Variants in AGMO observed in about 807,000 individuals in gnomAD.
The protein encoded by AGMO is glyceryl-ether monooxygenase.
A neutral mutation model predicts 60.2 loss-of-function variants in AGMO; 75 were observed. The ratio of observed to expected loss-of-function variants is 1.25; its 90% CI spans 1.03 to 1.51. The LOEUF is 1.51. AGMO is among the 40% of genes most tolerant of loss of function. The pLI, the probability that AGMO is intolerant of heterozygous loss-of-function variation, is 0.00. For synonymous variants in AGMO, 261 were observed against 177.1 expected, an observed-to-expected ratio of 1.47 and a Z score of -3.76; for missense variants, 763 against 525.5, an observed-to-expected ratio of 1.45 and a Z score of -4.42.
At chr7:15,245,609 C>T (rs762923880) in intron 12 of AGMO, among the ~76,000 whole-genome samples, 6 of 151,902 alleles carry the variant, frequency 3.9e-5, no homozygotes, top group Non-Finnish European at 8.8e-5. Flanking sequence ...CATCAGAAAC[C>T]TGCAAATTGG....
the AGMO span, among the ~76,000 whole-genome samples, chr7:15,155,444 T>TGGA: frequency 7.0e-6 from 1 of 142,716 alleles, no homozygotes; most frequent in Non-Finnish European, 1.5e-5. Context: ...TTTTTTTTTT[T>TGGA]TTTTTGCATT....
chr7:15,541,486 A>T (rs1326367649), intron 3 of AGMO, among the ~76,000 whole-genome samples: 1 of 152,200 alleles, frequency 6.6e-6, no homozygotes, highest in Non-Finnish European at 1.5e-5. Context: ...AGAACTATTT[A>T]TCCTTCTATA....
chr7:15,197,211 A>C (rs747171553), downstream of AGMO, among the ~76,000 whole-genome samples: 4 of 151,930 alleles, frequency 2.6e-5, no homozygotes, highest in African/African-American at 4.9e-5. Context: ...TATGACTATG[A>C]GAACATGGGC....
intron 12 of AGMO, among the ~76,000 whole-genome samples, chr7:15,350,878 A>C (rs1286495072): frequency 2.0e-5 from 3 of 152,186 alleles, no homozygotes; most frequent in Non-Finnish European, 2.9e-5. Context: ...AGAATAAATG[A>C]GGCATTATTT....
chr7:15,194,404 A>T, the AGMO span, among the ~76,000 whole-genome samples: 3 of 152,122 alleles, frequency 2.0e-5, no homozygotes. Flanking sequence ...ATATAAGTAA[A>T]ATAACTTAAA....
intron 3 of AGMO, among the ~76,000 whole-genome samples, chr7:15,520,445 G>A (rs1783948834): frequency 6.6e-6 from 1 of 152,068 alleles, no homozygotes; most frequent in Non-Finnish European, 1.5e-5. Context: ...CACACAATTG[G>A]AAGTAAAACA....
intron 10 of AGMO, among the ~76,000 whole-genome samples, chr7:15,367,673 G>A (rs570490668): frequency 3.3e-5 from 5 of 152,126 alleles, no homozygotes; most frequent in South Asian, 4.1e-4. Flanking sequence ...AGGTGAATAC[G>A]ACTTCAGATT....
intron 10 of AGMO, among the ~76,000 whole-genome samples, chr7:15,368,788 T>C (rs776550695): frequency 1.2e-4 from 18 of 152,148 alleles, no homozygotes; most frequent in Non-Finnish European, 1.9e-4. Context: ...AATAAGTACA[T>C]GTATTTACTT....
intron 12 of AGMO, among the ~76,000 whole-genome samples, chr7:15,338,543 C>T (rs1781734725): frequency 6.6e-6 from 1 of 152,096 alleles, no homozygotes; most frequent in Admixed American, 6.6e-5. Context: ...TCCTCTTTCC[C>T]CAGTGCAGTC....
At chr7:15,352,900 TATATC>T (rs1245888747) in intron 12 of AGMO, among the ~76,000 whole-genome samples, 3 of 152,090 alleles carry the variant, frequency 2.0e-5, no homozygotes, top group African/African-American at 4.8e-5. Flanking sequence ...GACATGGCTC[TATATC>T]ATAAGATTGT....
chr7:15,288,551 A>C (rs981383486), intron 12 of AGMO, among the ~76,000 whole-genome samples: 1 of 152,090 alleles, frequency 6.6e-6, no homozygotes, highest in Non-Finnish European at 1.5e-5. Flanking sequence ...TTCACATCCA[A>C]ATCAGTCTAT....
At chr7:15,431,256 C>T (rs925251661) in intron 3 of AGMO, 148 bp from the exon 4 acceptor site, 89 of 604,002 alleles carry the variant, frequency 1.5e-4, no homozygotes, top group Admixed American at 3.3e-5. Flanking sequence ...TTAAAATATG[C>T]TGCCTGAAAT....
intron 5 of AGMO, among the ~76,000 whole-genome samples, chr7:15,412,652 G>C (rs1400827658): frequency 6.7e-6 from 1 of 149,972 alleles, no homozygotes; most frequent in African/African-American, 2.5e-5. Flanking sequence ...ACGTGAGAGG[G>C]GCTTTGTAAA....
At chr7:15,404,334 C>G (rs967350338) in intron 5 of AGMO, among the ~76,000 whole-genome samples, 1 of 151,850 alleles carries the variant, frequency 6.6e-6, no homozygotes, top group Non-Finnish European at 1.5e-5. Flanking sequence ...AAGAGCAGGA[C>G]AAGTTAGCAT....
At chr7:15,394,825 G>C (rs763902524) in intron 5 of AGMO, among the ~76,000 whole-genome samples, 1 of 152,128 alleles carries the variant, frequency 6.6e-6, no homozygotes, top group Non-Finnish European at 1.5e-5. Flanking sequence ...TACCTTTAGA[G>C]GCATGGTCTA....
At chr7:15,421,034 C>T (rs968000177) in intron 4 of AGMO, among the ~76,000 whole-genome samples, 5 of 152,128 alleles carry the variant, frequency 3.3e-5, no homozygotes, top group African/African-American at 1.2e-4. Context: ...ATTTTATTCT[C>T]TTACTAAGTG....
chr7:15,351,049 T>C (rs1266836303), intron 12 of AGMO, among the ~76,000 whole-genome samples: 1 of 152,192 alleles, frequency 6.6e-6, no homozygotes, highest in Non-Finnish European at 1.5e-5. Flanking sequence ...TCTAAGCAGC[T>C]AATTTTTTCA....
chr7:15,400,787 G>A (rs1411117601), intron 5 of AGMO, among the ~76,000 whole-genome samples: 1 of 152,132 alleles, frequency 6.6e-6, no homozygotes, highest in African/African-American at 2.4e-5. Context: ...ATAATAAGGT[G>A]ATTAAATTCT....
chr7:15,359,114 C>T (rs897084025), intron 12 of AGMO, among the ~76,000 whole-genome samples: 1 of 151,658 alleles, frequency 6.6e-6, no homozygotes, highest in African/African-American at 2.4e-5. Flanking sequence ...ATGGTGAAAC[C>T]CCGTCTCCAC....
Sources: allele counts gnomAD v4.1 joint callset (sites outside exome capture counted in the v4.1 genomes callset), GRCh38; gene constraint gnomAD v4.1.1; transcripts MANE v1.5; gene names NCBI Gene and HGNC (gene_info 2026-07-23, HGNC 2026-07-21).